The following ITGA9 variants were observed in gnomAD, a reference collection of about 807,000 sequenced individuals.
ITGA9 encodes integrin subunit alpha 9.
ITGA9 carries 56 observed loss-of-function variants against 127.8 expected under a neutral mutation model. The observed-to-expected ratio is 0.44, with a 90% CI of 0.35 to 0.55. ITGA9 has a LOEUF of 0.55. Ranked by LOEUF, ITGA9 falls within the 20% of genes least tolerant of loss-of-function variation. The pLI is 0.00. For synonymous variants in ITGA9, 508 were observed against 514.5 expected (o/e 0.99, Z 0.17); for missense variants, 1,196 against 1,347.1 (o/e 0.89, Z 1.76).
intron 15 of ITGA9, among the ~76,000 whole-genome samples, chr3:37,562,011 G>C (rs1165824291): frequency 6.6e-6 from 1 of 152,202 alleles, no homozygotes; most frequent in African/African-American, 2.4e-5. Flanking sequence ...CCTGGGAAAT[G>C]CAACACTGGC....
chr3:37,631,332 ACTTT>A (rs144461773), intron 16 of ITGA9, among the ~76,000 whole-genome samples: 127 of 152,290 alleles, frequency 8.3e-4, no homozygotes, highest in African/African-American at 2.9e-3. Context: ...ACAGATGTGG[ACTTT>A]CTTTAGTGAA....
chr3:37,653,939 G>C, intron 17 of ITGA9, 149 bp downstream of exon 17: 1 of 671,858 alleles, frequency 1.5e-6, no homozygotes, highest in African/African-American at 1.8e-5. Context: ...AAAAATGTAT[G>C]TTACAAAATA....
chr3:37,566,111 C>T (rs531246999), intron 15 of ITGA9, among the ~76,000 whole-genome samples: 15 of 152,200 alleles, frequency 9.9e-5, no homozygotes, highest in Admixed American at 5.2e-4. Flanking sequence ...AGTTATAACT[C>T]ATAAGAAGTT....
chr3:37,536,449 G>T (rs1699209221), intron 14 of ITGA9, among the ~76,000 whole-genome samples: 2 of 152,244 alleles, frequency 1.3e-5, no homozygotes, highest in Admixed American at 6.5e-5. Flanking sequence ...GTCAGAAGTG[G>T]TATCTTCTGT....
At chr3:37,760,971 A>C (rs1696716764) in intron 23 of ITGA9, among the ~76,000 whole-genome samples, 1 of 152,334 alleles carries the variant, frequency 6.6e-6, no homozygotes, top group Non-Finnish European at 1.5e-5. Flanking sequence ...AAATGGTTGA[A>C]GTTATATGAA....
At chr3:37,783,341 A>T in intron 25 of ITGA9, among the ~76,000 whole-genome samples, 1 of 152,004 alleles carries the variant, frequency 6.6e-6, no homozygotes, top group Middle Eastern at 3.4e-3. Context: ...TAATGTTTTT[A>T]TTTAAAAAAA....
chr3:37,641,311 G>A (rs376247501), intron 16 of ITGA9, among the ~76,000 whole-genome samples: 11 of 152,168 alleles, frequency 7.2e-5, no homozygotes, highest in East Asian at 3.9e-4. Context: ...TCCACCGCCC[G>A]TTCATGGAAA....
At chr3:37,705,403 A>G (rs1700993107) in intron 18 of ITGA9, among the ~76,000 whole-genome samples, 1 of 152,224 alleles carries the variant, frequency 6.6e-6, no homozygotes, top group Non-Finnish European at 1.5e-5. Context: ...AAAAGGTTGC[A>G]TGTTACATAT....
chr3:37,569,020 A>G (rs1021153892), intron 15 of ITGA9, among the ~76,000 whole-genome samples: 7 of 152,186 alleles, frequency 4.6e-5, no homozygotes, highest in Non-Finnish European at 7.3e-5. Flanking sequence ...AAAGACAACA[A>G]TACCCCACTC....
chr3:37,622,689 C>T (rs981913445), intron 15 of ITGA9, among the ~76,000 whole-genome samples: 2 of 151,914 alleles, frequency 1.3e-5, no homozygotes, highest in Admixed American at 6.6e-5. Context: ...ACTAAAAATA[C>T]AAAAAATTAG....
chr3:37,458,068 A>C (rs1488199995), intron 1 of ITGA9, among the ~76,000 whole-genome samples: 1 of 152,262 alleles, frequency 6.6e-6, no homozygotes, highest in African/African-American at 2.4e-5. Context: ...CTTGCTTTCA[A>C]GGGGTTGCAT....
chr3:37,689,943 T>C (rs1037732254), intron 18 of ITGA9, among the ~76,000 whole-genome samples: 16 of 152,194 alleles, frequency 1.1e-4, no homozygotes, highest in Non-Finnish European at 1.9e-4. Flanking sequence ...TCATGGCCTA[T>C]TGGGGCCAAA....
rs543227727 is a variant in ITGA9 at position 37,698,186 on chromosome 3, G to GT, written c.2067+14179dup. 3.5e-3 allele frequency among the ~76,000 whole-genome samples: 536 copies of GT among 151,990 alleles called. 4 individuals are homozygous for GT. Among genetic ancestry groups the GT allele is most frequent in the African/African-American group, 0.011 (473 of 41,438 alleles). On this transcript the variant is annotated intron_variant, in intron 18 of 27. Coordinates refer to ENST00000264741, the MANE Select transcript of ITGA9 (RefSeq NM_002207.3). ...TGCCCACTTTTGGATGGCATTGTTT[G>GT]TTTTTTTTCTTGTACATTTGTTTAA... is the stretch of plus-strand genomic sequence containing the variant.
chr3:37,776,862 G>A (rs1019823288), intron 23 of ITGA9, among the ~76,000 whole-genome samples: 3 of 152,298 alleles, frequency 2.0e-5, no homozygotes, highest in African/African-American at 7.2e-5. Context: ...CCTGCTTGCT[G>A]CTCATTCCCT....
intron 15 of ITGA9, among the ~76,000 whole-genome samples, chr3:37,555,514 G>A (rs1165408946): frequency 1.3e-5 from 2 of 152,210 alleles, no homozygotes; most frequent in African/African-American, 4.8e-5. Flanking sequence ...GTTGGACAGT[G>A]CAGATATTGA....
Position 37,481,455 on chromosome 3 carries a change from C to A in ITGA9, c.421-29C>A. 2.5e-6 allele frequency: 4 copies of A among 1,614,130 alleles called. No homozygotes were observed. In the South Asian group the frequency reaches 4.4e-5, roughly 18 times the overall value. On this transcript the variant is annotated intron_variant, in intron 3 of 27. Transcript: ENST00000264741. The stretch of plus-strand genomic sequence containing the variant: ...TTGTGATCTTTTGGGGCCAACTTTC[C>A]TGCTCTCAACTGCTCTCTATCCCTT...
At chr3:37,680,968 G>T (rs149062487) in intron 17 of ITGA9, among the ~76,000 whole-genome samples, 1 of 152,136 alleles carries the variant, frequency 6.6e-6, no homozygotes, top group Admixed American at 6.5e-5. Flanking sequence ...CTCAGAGCCC[G>T]TGCTTCCAAA....
rs146451515 is a variant in ITGA9, at chr3:37,511,964, C to CT, written c.898-1796dup. 6.3e-3 allele frequency among the ~76,000 whole-genome samples: 555 copies of CT among 88,112 alleles called. 51 individuals are homozygous for CT. The highest frequency in any genetic ancestry group is 0.011 in the African/African-American group (238 of 21,772). The allele number at this position is 88,112 out of a possible 152,430, so 57.8% of individuals were successfully genotyped here. A position where few individuals can be genotyped will look rare whatever the true frequency, so the allele number is the denominator to read the frequency against. On this transcript the variant is annotated intron_variant, in intron 8 of 27. Coordinates refer to ENST00000264741, the MANE Select transcript of ITGA9 (RefSeq NM_002207.3). ...ATTTTAAAAGAATAATGCTTTTTCT[C>CT]TTTCTTTTCTTTTCTTTTCTTTTCT...
chr3:37,648,488 A>T (rs932909683), intron 16 of ITGA9, among the ~76,000 whole-genome samples: 3 of 152,148 alleles, frequency 2.0e-5, no homozygotes, highest in East Asian at 1.9e-4. Context: ...TTATCCAGGC[A>T]TGGTGGCATG....
Sources: gnomAD v4.1 joint callset for allele counts (sites outside exome capture counted in the v4.1 genomes callset) on GRCh38, gnomAD v4.1.1 for gene constraint, MANE v1.5 for transcripts, NCBI Gene and HGNC (gene_info 2026-07-23, HGNC 2026-07-21) for gene names.